The following MAPKAP1 variants were observed in gnomAD, a reference collection of about 807,000 sequenced individuals.
MAPKAP1 encodes the protein MAPK associated protein 1.
In MAPKAP1, 20 loss-of-function variants were observed where a neutral mutation model predicts 65.7. That is an observed-to-expected ratio of 0.30 (90% CI 0.21 to 0.44). MAPKAP1 has a LOEUF of 0.44. MAPKAP1 is among the 20% of genes least tolerant of loss of function. MAPKAP1 has a pLI of 1.00. For missense variants in MAPKAP1, 423 were observed against 648.0 expected, an observed-to-expected ratio of 0.65 and a Z score of 3.77; for synonymous variants, 222 against 244.3, an observed-to-expected ratio of 0.91 and a Z score of 0.85.
chr9:125,481,020 C>T (rs1854297275), intron 9 of MAPKAP1, among the ~76,000 whole-genome samples: 1 of 149,962 alleles, frequency 6.7e-6, no homozygotes, highest in Non-Finnish European at 1.5e-5. Flanking sequence ...TTCTATGGGC[C>T]AGACACTTTC....
At chr9:125,513,175 C>T (rs886599644) in intron 7 of MAPKAP1, 1 of 152,312 alleles carries the variant, frequency 6.6e-6, no homozygotes, top group African/African-American at 2.4e-5. Context: ...TCCTGAGGAG[C>T]TGGGACCACA....
intron 5 of MAPKAP1, among the ~76,000 whole-genome samples, chr9:125,570,824 T>C (rs143636796): frequency 1.3e-5 from 2 of 152,280 alleles, no homozygotes; most frequent in African/African-American, 4.8e-5. Context: ...GTGAACATAT[T>C]GGCTAAAGTT....
At chr9:125,674,874 C>G (rs1834599946) in intron 1 of MAPKAP1, among the ~76,000 whole-genome samples, 1 of 152,124 alleles carries the variant, frequency 6.6e-6, no homozygotes, top group Non-Finnish European at 1.5e-5. Flanking sequence ...AGTACATCTC[C>G]TAATACCATG....
chr9:125,678,239 TTTTATTTTTA>T lies in MAPKAP1; in HGVS notation c.-69-5606_-69-5597del, dbSNP rs200250697. ...GGCCAACACAGGCATTTTTATTTTA[TTTTATTTTTA>T]TTTATTTTTTTTTGAGACAGAGTCT... On this transcript the variant is annotated intron_variant, in intron 1 of 11. Transcript: ENST00000265960. Among the ~76,000 whole-genome samples the T allele has an allele frequency of 0.013, 1,973 of 151,410 alleles. 95 individuals carry two copies. In the East Asian group the frequency reaches 0.18, roughly 14 times the overall value.
At chr9:125,578,598 G>A (rs1454472095) in intron 5 of MAPKAP1, among the ~76,000 whole-genome samples, 1 of 152,154 alleles carries the variant, frequency 6.6e-6, no homozygotes, top group African/African-American at 2.4e-5. Context: ...GGGAAAAAAA[G>A]CTCAGATTGC....
intron 6 of MAPKAP1, among the ~76,000 whole-genome samples, chr9:125,550,314 G>A (rs1339145406): frequency 6.6e-6 from 1 of 152,168 alleles, no homozygotes; most frequent in Non-Finnish European, 1.5e-5. Context: ...CATAAGCTGA[G>A]GGGAGAACAG....
chr9:125,667,863 A>T (rs1834386104), intron 3 of MAPKAP1, among the ~76,000 whole-genome samples: 1 of 152,232 alleles, frequency 6.6e-6, no homozygotes, highest in African/African-American at 2.4e-5. Context: ...TATATAAAAA[A>T]TTTGAAAAAA....
intron 1 of MAPKAP1, among the ~76,000 whole-genome samples, chr9:125,700,930 A>T (rs1588091200): frequency 6.6e-6 from 1 of 152,336 alleles, no homozygotes; most frequent in East Asian, 1.9e-4. Context: ...CATATAGTCA[A>T]TAGGCACTGC....
chr9:125,598,770 T>C (rs920292222), intron 4 of MAPKAP1, among the ~76,000 whole-genome samples: 14 of 152,278 alleles, frequency 9.2e-5, no homozygotes, highest in Non-Finnish European at 1.3e-4. Context: ...GCCGGCGCAG[T>C]AGCTCACACC....
At chr9:125,544,529 G>A (rs1424279422) in intron 6 of MAPKAP1, among the ~76,000 whole-genome samples, 1 of 152,158 alleles carries the variant, frequency 6.6e-6, no homozygotes, top group Non-Finnish European at 1.5e-5. Flanking sequence ...CCCATCTCCT[G>A]TGTGAGGTAT....
intron 3 of MAPKAP1, among the ~76,000 whole-genome samples, chr9:125,666,567 T>C (rs973667159): frequency 2.6e-5 from 4 of 151,914 alleles, no homozygotes; most frequent in Non-Finnish European, 5.9e-5. Context: ...CCTCAGGAGG[T>C]TGACACACTT....
In MAPKAP1 at chr9:125,592,397, T is replaced by C. The variant is rs1831991311; in HGVS notation, c.499-6670A>G. On this transcript the variant is annotated intron_variant, in intron 4 of 11. Transcript: ENST00000265960. Reference sequence around the variant, plus strand: ...CTCTGAGACACGGGATTATCAGTGATTTTAATTTTCTGGTTTATAGTTTTC... The same window carrying C: ...CTCTGAGACACGGGATTATCAGTGACTTTAATTTTCTGGTTTATAGTTTTC... Among the ~76,000 whole-genome samples, 3 of 152,206 alleles carry C rather than the reference T, an allele frequency of 2.0e-5. No individual in the cohort carries two copies. The South Asian group carries it at 6.2e-4, about 31-fold the overall frequency.
At chr9:125,525,531 G>C (rs920956895) in intron 7 of MAPKAP1, among the ~76,000 whole-genome samples, 2 of 152,062 alleles carry the variant, frequency 1.3e-5, no homozygotes, top group Non-Finnish European at 2.9e-5. Flanking sequence ...AAATTAGCCG[G>C]GTGCGGTGGC....
intron 4 of MAPKAP1, chr9:125,596,621 G>C: frequency 1.5e-6 from 1 of 653,684 alleles, no homozygotes; most frequent in Non-Finnish European, 2.9e-6. Flanking sequence ...AGTGGCAGAA[G>C]ATTTTAATTA....
chr9:125,653,084 G>A (rs977729950), intron 4 of MAPKAP1, among the ~76,000 whole-genome samples: 1 of 152,162 alleles, frequency 6.6e-6, no homozygotes, highest in Non-Finnish European at 1.5e-5. Context: ...TACACGTCCT[G>A]CTAAACACAT....
intron 10 of MAPKAP1, among the ~76,000 whole-genome samples, chr9:125,459,223 G>T (rs1373784646): frequency 6.9e-6 from 1 of 144,904 alleles, no homozygotes; most frequent in South Asian, 2.2e-4. Flanking sequence ...GATGGGCGGC[G>T]GGGCAGAGAG....
chr9:125,447,222 T>G lies in MAPKAP1; in HGVS notation c.1346-2624A>C. The G allele has an allele frequency of 2.8e-6, 1 of 362,752 alleles. No homozygotes were observed. The highest frequency in any genetic ancestry group is 5.6e-6 in the Non-Finnish European group (1 of 178,976). The allele number at this position is 362,752 out of a possible 1,614,324, so 22.5% of individuals were successfully genotyped here. On this transcript the variant is annotated intron_variant, in intron 10 of 11. Coordinates refer to ENST00000265960, the MANE Select transcript of MAPKAP1 (RefSeq NM_001006617.3). This position sits in a 1 kb window ranked among gnomAD's most constrained non-coding sequence, Gnocchi z 4.5. ...TCCCCAGGGCTCATTCCAGCACCCATCTGAGGAAGAGTGAAGCAGGTGAGG... is the reference window on the plus strand; with the variant it reads ...TCCCCAGGGCTCATTCCAGCACCCAGCTGAGGAAGAGTGAAGCAGGTGAGG...
chr9:125,554,066 C>T (rs189710397), intron 6 of MAPKAP1, among the ~76,000 whole-genome samples: 8 of 152,144 alleles, frequency 5.3e-5, no homozygotes, highest in Middle Eastern at 3.4e-3. Flanking sequence ...CCTAGGATAA[C>T]GTGGCGAGAT....
chr9:125,558,570 G>C (rs970028545), intron 6 of MAPKAP1, among the ~76,000 whole-genome samples: 5 of 152,196 alleles, frequency 3.3e-5, no homozygotes, highest in African/African-American at 1.2e-4. Flanking sequence ...GAGAGACAGG[G>C]AAATGTCTTC....
Sources: gnomAD v4.1 joint callset for allele counts (sites outside exome capture counted in the v4.1 genomes callset) on GRCh38, gnomAD v4.1.1 for gene constraint, Gnocchi (gnomAD v3.1) non-coding constraint, MANE v1.5 for transcripts, NCBI Gene and HGNC (gene_info 2026-07-23, HGNC 2026-07-21) for gene names.